Variants in DGKB observed in about 807,000 individuals in gnomAD.
DGKB encodes diacylglycerol kinase beta.
In DGKB, 67 loss-of-function variants were observed where a neutral mutation model predicts 114.3. That is an observed-to-expected ratio of 0.59 (90% CI 0.48 to 0.72). The LOEUF is 0.72. Ranked by LOEUF, DGKB falls within the 30% of genes least tolerant of loss-of-function variation. The pLI, the probability that DGKB is intolerant of heterozygous loss-of-function variation, is 0.00. For missense variants in DGKB, 907 were observed against 975.2 expected, an observed-to-expected ratio of 0.93 and a Z score of 0.93; for synonymous variants, 398 against 323.1, an observed-to-expected ratio of 1.23 and a Z score of -2.49.
intron 21 of DGKB, among the ~76,000 whole-genome samples, chr7:14,470,309 T>C (rs927402179): frequency 1.3e-5 from 2 of 151,876 alleles, no homozygotes; most frequent in Non-Finnish European, 2.9e-5. Flanking sequence ...TTTACCTAGT[T>C]GGCTAATAAA....
At chr7:14,919,806 A>G (rs2128246687) in intron 1 of DGKB, among the ~76,000 whole-genome samples, 1 of 152,268 alleles carries the variant, frequency 6.6e-6, no homozygotes, top group South Asian at 2.1e-4. Flanking sequence ...TTCTCACTCC[A>G]TTAGTTCACA....
At chr7:14,610,893 T>C (rs1805430100) in intron 16 of DGKB, among the ~76,000 whole-genome samples, 1 of 152,184 alleles carries the variant, frequency 6.6e-6, no homozygotes, top group African/African-American at 2.4e-5. Context: ...TCTATACTGT[T>C]GTCTAAGTAC....
intron 23 of DGKB, among the ~76,000 whole-genome samples, chr7:14,325,719 A>G (rs906534600): frequency 6.6e-6 from 1 of 152,166 alleles, no homozygotes; most frequent in Non-Finnish European, 1.5e-5. Context: ...TACAAAAATT[A>G]AAAATTTCCA....
rs181071054 is a variant in DGKB, at chr7:14,970,452, T to C, written c.-188+4244A>G. On this transcript the variant is annotated intron_variant, in intron 1 of 4. Coordinates refer to the DGKB transcript ENST00000437998. ...TTGAGGCAGAAACAGGTTTGGCAAATAAAGTAAAAATTAAAAAAAAAGATT... is the reference window on the plus strand; with the variant it reads ...TTGAGGCAGAAACAGGTTTGGCAAACAAAGTAAAAATTAAAAAAAAAGATT... Among the ~76,000 whole-genome samples, 173 of 150,804 alleles carry C rather than the reference T, an allele frequency of 1.1e-3. 1 individual carries two copies. Among genetic ancestry groups the C allele is most frequent in the African/African-American group, 4.1e-3 (168 of 41,052 alleles).
chr7:14,471,213 T>C (rs77099662), intron 21 of DGKB, among the ~76,000 whole-genome samples: 7,392 of 51,708 alleles, frequency 0.14, 1,834 homozygotes, highest in Admixed American at 0.21. Context: ...TATATGTATA[T>C]ATACATATAT....
chr7:14,711,333 C>T (rs560093083), intron 6 of DGKB, among the ~76,000 whole-genome samples: 2 of 151,988 alleles, frequency 1.3e-5, no homozygotes, highest in Non-Finnish European at 2.9e-5. Flanking sequence ...CTAAATATTA[C>T]CAAGTCAAGG....
intron 25 of DGKB, 57 bp downstream of exon 25, chr7:14,176,782 G>C (rs930213663): frequency 6.4e-7 from 1 of 1,573,364 alleles, no homozygotes; most frequent in Non-Finnish European, 8.6e-7. Flanking sequence ...TGGTTATTTA[G>C]TCAAAGAGGA....
chr7:14,286,376 T>A (rs1228697097), intron 23 of DGKB, among the ~76,000 whole-genome samples: 2 of 152,176 alleles, frequency 1.3e-5, no homozygotes, highest in Non-Finnish European at 2.9e-5. Flanking sequence ...TTTTTTGGCA[T>A]CTAAACTTTG....
intron 1 of DGKB, among the ~76,000 whole-genome samples, chr7:14,943,422 T>C (rs186041424): frequency 2.6e-5 from 4 of 151,976 alleles, no homozygotes; most frequent in Non-Finnish European, 4.4e-5. Context: ...CAGACACTTA[T>C]TGAATAGACA....
chr7:14,754,147 C>G (rs916089707), intron 3 of DGKB, among the ~76,000 whole-genome samples, 199 bp from the exon 4 acceptor site: 3 of 152,064 alleles, frequency 2.0e-5, no homozygotes, highest in Non-Finnish European at 2.9e-5. Context: ...AATGCAAATT[C>G]TTGACCCCCA....
intron 21 of DGKB, among the ~76,000 whole-genome samples, chr7:14,418,295 A>G (rs1381263808): frequency 6.9e-6 from 1 of 145,304 alleles, no homozygotes; most frequent in African/African-American, 2.5e-5. Context: ...GTGTATATAT[A>G]CATATATGTA....
At chr7:14,785,780 AAAC>A (rs1324765132) in intron 2 of DGKB, among the ~76,000 whole-genome samples, 1 of 152,174 alleles carries the variant, frequency 6.6e-6, no homozygotes, top group African/African-American at 2.4e-5. Context: ...ATTATTTCTG[AAAC>A]ACCACGTGAA....
chr7:14,836,350 A>G (rs1352376381), intron 2 of DGKB, among the ~76,000 whole-genome samples: 1 of 152,242 alleles, frequency 6.6e-6, no homozygotes, highest in Non-Finnish European at 1.5e-5. Context: ...GGTTCCCACC[A>G]TAATAACATA....
rs371567643 is a variant in DGKB at position 14,944,071 on chromosome 7, T to G, written c.-188+30625A>C. Reference sequence around the variant, plus strand: ...CTCATCATCGATCCCATTGTTATAATAATATTTCATTCTATTACCTAATAA... The same window carrying G: ...CTCATCATCGATCCCATTGTTATAAGAATATTTCATTCTATTACCTAATAA... On this transcript the variant is annotated intron_variant, in intron 1 of 4. Transcript: ENST00000437998. Among the ~76,000 whole-genome samples the G allele has an allele frequency of 1.2e-4, 19 of 152,002 alleles. No homozygotes were observed. The East Asian group carries it at 1.5e-3, about 12-fold the overall frequency.
At chr7:14,586,667 T>G (rs1323275110) in intron 17 of DGKB, among the ~76,000 whole-genome samples, 1 of 152,098 alleles carries the variant, frequency 6.6e-6, no homozygotes, top group Non-Finnish European at 1.5e-5. Context: ...TAGGGGCTAA[T>G]GAGGCTGATG....
At chr7:14,271,276 C>G (rs1798236864) in intron 23 of DGKB, among the ~76,000 whole-genome samples, 1 of 152,102 alleles carries the variant, frequency 6.6e-6, no homozygotes, top group African/African-American at 2.4e-5. Context: ...ATATAGTGGT[C>G]CAAACTGTGT....
intron 2 of DGKB, among the ~76,000 whole-genome samples, chr7:14,808,894 C>A (rs1013400028): frequency 6.6e-6 from 1 of 152,078 alleles, no homozygotes. Context: ...AAATAGATGA[C>A]AACTAAGGTA....
chr7:14,280,488 C>T (rs1395735144), intron 23 of DGKB, among the ~76,000 whole-genome samples: 1 of 149,462 alleles, frequency 6.7e-6, no homozygotes, highest in Non-Finnish European at 1.5e-5. Flanking sequence ...GGCCAACATT[C>T]AGATTCAGGA....
intron 2 of DGKB, among the ~76,000 whole-genome samples, chr7:14,831,735 T>A (rs539052090): frequency 6.6e-6 from 1 of 152,220 alleles, no homozygotes; most frequent in Admixed American, 6.5e-5. Flanking sequence ...ACACAGTTAT[T>A]ACAGAAATAT....
Sources: allele counts gnomAD v4.1 joint callset (sites outside exome capture counted in the v4.1 genomes callset), GRCh38; gene constraint gnomAD v4.1.1; transcripts MANE v1.5; gene names NCBI Gene and HGNC (gene_info 2026-07-23, HGNC 2026-07-21).